Variants in PTPRT observed in about 807,000 individuals in gnomAD.
PTPRT encodes the protein receptor-type tyrosine-protein phosphatase T.
PTPRT carries 56 observed loss-of-function variants against 176.8 expected under a neutral mutation model. The observed-to-expected ratio is 0.32, with a 90% CI of 0.26 to 0.40. PTPRT has a LOEUF of 0.40. Ranked by LOEUF, PTPRT falls within the 10% of genes least tolerant of loss-of-function variation. The probability of loss-of-function intolerance (pLI) is 1.00; values close to 1 mark genes in which losing one functional copy is unlikely to be tolerated. For missense variants in PTPRT, 1,540 were observed against 1,908.2 expected, an observed-to-expected ratio of 0.81 and a Z score of 3.60; for synonymous variants, 783 against 739.0, an observed-to-expected ratio of 1.06 and a Z score of -0.96.
intron 1 of PTPRT, among the ~76,000 whole-genome samples, chr20:43,112,904 G>A (rs896620962): frequency 1.3e-5 from 2 of 151,714 alleles, no homozygotes; most frequent in African/African-American, 4.8e-5. Context: ...TATCTCCTGG[G>A]GTTTTGCGTG....
At chr20:42,544,421 A>T (rs1017036960) in intron 7 of PTPRT, among the ~76,000 whole-genome samples, 3 of 152,098 alleles carry the variant, frequency 2.0e-5, no homozygotes, top group Non-Finnish European at 4.4e-5. Flanking sequence ...GCCTTTATGG[A>T]ATTGAAGAGA....
chr20:42,102,102 T>C, intron 26 of PTPRT, 22 bp downstream of exon 26: 1 of 1,600,810 alleles, frequency 6.2e-7, no homozygotes. Context: ...AGCTAGGAGC[T>C]TTCTGCCCGG....
intron 7 of PTPRT, among the ~76,000 whole-genome samples, chr20:42,504,430 A>G (rs1248665088): frequency 6.6e-6 from 1 of 152,196 alleles, no homozygotes; most frequent in Non-Finnish European, 1.5e-5. Context: ...TATTATGTGC[A>G]TACAGGTTTA....
rs151093311 is a variant in PTPRT at position 42,508,264 on chromosome 20, C to T, written c.1154-35702G>A. 4.5e-3 allele frequency among the ~76,000 whole-genome samples: 683 copies of T among 151,408 alleles called. 1 individual carries two copies. The highest frequency in any genetic ancestry group is 6.8e-3 in the Non-Finnish European group (459 of 67,902). On this transcript the variant is annotated intron_variant, in intron 7 of 30. Coordinates refer to ENST00000373187, the MANE Select transcript of PTPRT (RefSeq NM_007050.6). ...TTATGTTTGGTTTTGTTTCTAGGAG[C>T]GCCTGCTGAATAGCAGGAAAGGTGA... is the stretch of plus-strand genomic sequence containing the variant.
chr20:42,253,003 A>G (rs1011749772), intron 13 of PTPRT, among the ~76,000 whole-genome samples: 8 of 152,130 alleles, frequency 5.3e-5, no homozygotes, highest in African/African-American at 9.7e-5. Context: ...CTTGCCCTAG[A>G]CTCTGGATAT....
chr20:43,052,130 A>G (rs757689855), intron 1 of PTPRT, among the ~76,000 whole-genome samples: 4 of 152,208 alleles, frequency 2.6e-5, no homozygotes, highest in African/African-American at 9.6e-5. Context: ...GGGATTCCCA[A>G]TGTCCCTGAA....
intron 15 of PTPRT, among the ~76,000 whole-genome samples, chr20:42,205,571 T>C (rs945613416): frequency 6.6e-6 from 1 of 152,108 alleles, no homozygotes; most frequent in Non-Finnish European, 1.5e-5. Context: ...CCCTTGACTC[T>C]CTTCTGGGCT....
chr20:42,047,141 GTTGCCT>G, the PTPRT span, among the ~76,000 whole-genome samples: 1 of 152,158 alleles, frequency 6.6e-6, no homozygotes, highest in Non-Finnish European at 1.5e-5. Flanking sequence ...ACTTTGTGAG[GTTGCCT>G]TAAACACGTA....
intron 15 of PTPRT, among the ~76,000 whole-genome samples, chr20:42,214,232 A>G (rs1197683424): frequency 6.6e-6 from 1 of 152,164 alleles, no homozygotes; most frequent in African/African-American, 2.4e-5. Flanking sequence ...AAAAGCCATC[A>G]CATATCTCCC....
chr20:42,452,603 C>A (rs553803145), intron 8 of PTPRT, among the ~76,000 whole-genome samples: 1 of 151,980 alleles, frequency 6.6e-6, no homozygotes, highest in Admixed American at 6.6e-5. Flanking sequence ...TCTATTCATT[C>A]ATTTGAGGGT....
chr20:42,314,297 G>A (rs1168123331), intron 12 of PTPRT, among the ~76,000 whole-genome samples: 1 of 152,128 alleles, frequency 6.6e-6, no homozygotes, highest in East Asian at 1.9e-4. Context: ...GGGAGGCTGA[G>A]GTGGGCAGAT....
intron 7 of PTPRT, among the ~76,000 whole-genome samples, chr20:42,558,124 A>T (rs1427187636): frequency 6.6e-6 from 1 of 152,050 alleles, no homozygotes; most frequent in Non-Finnish European, 1.5e-5. Flanking sequence ...ATTTTTCCTG[A>T]TCATCTCCCT....
chr20:42,759,705 G>GT (rs2145418057), intron 5 of PTPRT, among the ~76,000 whole-genome samples: 1 of 152,330 alleles, frequency 6.6e-6, no homozygotes, highest in East Asian at 1.9e-4. Context: ...TCCTGCAGTA[G>GT]TTTTTCAGAT....
intron 1 of PTPRT, among the ~76,000 whole-genome samples, chr20:42,988,849 GCAA>G (rs1983741603): frequency 6.6e-6 from 1 of 152,162 alleles, no homozygotes; most frequent in South Asian, 2.1e-4. Context: ...CTTGTGACCT[GCAA>G]CTGCCAACAC....
intron 9 of PTPRT, among the ~76,000 whole-genome samples, chr20:42,387,717 C>A (rs1355372351): frequency 6.6e-6 from 1 of 151,610 alleles, no homozygotes; most frequent in Non-Finnish European, 1.5e-5. Flanking sequence ...TACCTACAGA[C>A]AATTTTGGTT....
At chr20:42,407,929 A>G (rs2058977047) in intron 9 of PTPRT, among the ~76,000 whole-genome samples, 2 of 152,138 alleles carry the variant, frequency 1.3e-5, no homozygotes, top group South Asian at 4.1e-4. Flanking sequence ...AATACATTTG[A>G]TGGGAATGGT....
chr20:42,300,465 A>G (rs980418439), intron 12 of PTPRT, among the ~76,000 whole-genome samples: 4 of 151,990 alleles, frequency 2.6e-5, no homozygotes, highest in African/African-American at 4.8e-5. Flanking sequence ...CAGAAAGAAA[A>G]TAAGTTTTCA....
intron 1 of PTPRT, among the ~76,000 whole-genome samples, chr20:43,014,988 T>C (rs1009929509): frequency 1.3e-5 from 2 of 152,216 alleles, no homozygotes; most frequent in Non-Finnish European, 2.9e-5. Context: ...CTCTTCAGTC[T>C]CCTGTGTCCT....
intron 7 of PTPRT, among the ~76,000 whole-genome samples, chr20:42,577,587 G>C (rs1446759053): frequency 6.6e-6 from 1 of 152,174 alleles, no homozygotes; most frequent in Non-Finnish European, 1.5e-5. Flanking sequence ...AGAGGTCGGG[G>C]GAGTATTCCC....
Sources: gnomAD v4.1 joint callset for allele counts (sites outside exome capture counted in the v4.1 genomes callset) on GRCh38, gnomAD v4.1.1 for gene constraint, MANE v1.5 for transcripts, NCBI Gene and HGNC (gene_info 2026-07-23, HGNC 2026-07-21) for gene names.